Variants in MYH10 observed in about 807,000 individuals in gnomAD.
The protein encoded by MYH10 is myosin heavy chain 10.
A neutral mutation model predicts 257.8 loss-of-function variants in MYH10; 55 were observed. That is an observed-to-expected ratio of 0.21 (90% confidence interval 0.17 to 0.27). The LOEUF is 0.27. MYH10 is among the 10% of genes least tolerant of loss of function. MYH10 has a pLI of 1.00. For missense variants in MYH10, 1,631 were observed against 2,500.6 expected (o/e 0.65, Z 7.42); for synonymous variants, 854 against 921.7 (o/e 0.93, Z 1.33).
At position 8,492,977 on chromosome 17, in the gene MYH10, T is replaced by C. The variant is rs747999414; in HGVS notation, c.4257A>G (p.Glu1419=). Residue 1419 remains glutamate, a synonymous_variant, in exon 33 of 43, where the codon GAA becomes GAG. Transcript: ENST00000360416. The part of the protein sequence containing the change: ...KKVDDDLGTI[E]SLEEAKKKLL... ...GCTTCTTCTTGGCTTCTTCCAGACT[T>C]TCAATTGTTCCCAGGTCGTCATCTA... 1.9e-5 allele frequency: 30 copies of C among 1,614,108 alleles called. No homozygotes were observed. The South Asian group carries it at 3.2e-4, about 17-fold the overall frequency.
chr17:8,555,351 A>G (rs1567893988), intron 7 of MYH10, among the ~76,000 whole-genome samples: 1 of 152,186 alleles, frequency 6.6e-6, no homozygotes, highest in Non-Finnish European at 1.5e-5. Context: ...ATTCTGAGAA[A>G]GAAGACCAGG....
chr17:8,561,379 C>T, intron 7 of MYH10: 1 of 1,124,712 alleles, frequency 8.9e-7, no homozygotes, highest in Non-Finnish European at 1.3e-6. Flanking sequence ...CCGCAGCAGT[C>T]AGGGGCATTC....
intron 32 of MYH10, among the ~76,000 whole-genome samples, chr17:8,493,347 G>GA (rs879871249): frequency 2.0e-3 from 256 of 125,450 alleles, no homozygotes; most frequent in Admixed American, 4.8e-3. Context: ...CTATCTCAAG[G>GA]AAAAAAAAAA....
intron 17 of MYH10, among the ~76,000 whole-genome samples, chr17:8,525,737 G>C (rs1212818390): frequency 1.3e-5 from 2 of 152,044 alleles, no homozygotes; most frequent in Non-Finnish European, 2.9e-5. Flanking sequence ...TTTTAATACG[G>C]ACAATCCAAA....
At chr17:8,570,734 G>A (rs1386192239) in intron 6 of MYH10, among the ~76,000 whole-genome samples, 3 of 152,142 alleles carry the variant, frequency 2.0e-5, no homozygotes, top group African/African-American at 4.8e-5. Flanking sequence ...CAAAAAAGAT[G>A]AATATAAAGA....
At chr17:8,546,297 G>A (rs1283996387) in intron 12 of MYH10, among the ~76,000 whole-genome samples, 1 of 152,004 alleles carries the variant, frequency 6.6e-6, no homozygotes, top group African/African-American at 2.4e-5. Context: ...GACCTCAGGT[G>A]ATCTGCCCAC....
In MYH10 at chr17:8,477,088, G is replaced by C. The variant is rs1447466649; in HGVS notation, c.5707-40C>G. On this transcript the variant is annotated intron_variant, in intron 41 of 42. Coordinates refer to ENST00000360416, the MANE Select transcript of MYH10 (RefSeq NM_001256012.3). The surrounding 1 kb of genome is among the most constrained non-coding windows in gnomAD (Gnocchi z 4.2). ...ATGAACCAAAACAAACCAAACTGGTGAATCCAGTGTCGGCCTCTCTGTACC... is the reference window on the plus strand; with the variant it reads ...ATGAACCAAAACAAACCAAACTGGTCAATCCAGTGTCGGCCTCTCTGTACC... 4.4e-6 allele frequency: 7 copies of C among 1,608,758 alleles called. 1 individual carries two copies. The highest frequency in any genetic ancestry group is 1.3e-5 in the African/African-American group (1 of 74,852).
intron 1 of MYH10, among the ~76,000 whole-genome samples, chr17:8,623,977 C>G (rs1372277048): frequency 6.6e-6 from 1 of 152,154 alleles, no homozygotes; most frequent in African/African-American, 2.4e-5. Context: ...CACCAAGACT[C>G]CTTCCCCTGC....
chr17:8,514,747 TC>T (rs1169908473), intron 21 of MYH10, among the ~76,000 whole-genome samples: 1 of 152,024 alleles, frequency 6.6e-6, no homozygotes, highest in Non-Finnish European at 1.5e-5. Flanking sequence ...AGGCAAACGT[TC>T]CTATTACTGA....
chr17:8,497,327 A>G lies in MYH10; in HGVS notation c.3951+1943T>C, dbSNP rs551584122. On this transcript the variant is annotated intron_variant, in intron 30 of 42. Transcript: ENST00000360416. ...TCTTACCAATAAGGACTCATCGACTATATTGTTTTTGCTGGTTGCATAGAA... is the reference window on the plus strand; with the variant it reads ...TCTTACCAATAAGGACTCATCGACTGTATTGTTTTTGCTGGTTGCATAGAA... Among the ~76,000 whole-genome samples the G allele has an allele frequency of 1.6e-4, 25 of 151,654 alleles. 2 individuals are homozygous for G. The South Asian group carries it at 5.2e-3, about 31-fold the overall frequency.
chr17:8,504,813 G>T lies in MYH10; in HGVS notation c.3480C>A (p.Ser1160=), dbSNP rs2291718. The T allele has an allele frequency of 4.0e-5, 65 of 1,614,000 alleles. No homozygotes were observed. The highest frequency in any genetic ancestry group is 5.0e-5 in the Non-Finnish European group (59 of 1,180,024). ...CGGCCTTGTTCCGTGAAGCCTTCTC[G>T]GATTCAAAGTCTTCCTGAAGTTCAG... ...QIAELQEDFE[S]EKASRNKAEK... is the part of the protein sequence containing the mutation. The change falls in exon 28 of 43, where the codon TCC becomes TCA. Residue 1160 remains serine (S), a synonymous_variant. Coordinates refer to ENST00000360416, the MANE Select transcript of MYH10 (RefSeq NM_001256012.3). This position sits in a 1 kb window ranked among gnomAD's most constrained non-coding sequence, Gnocchi z 5.6.
intron 35 of MYH10, among the ~76,000 whole-genome samples, chr17:8,489,739 A>ACACACACACACACACACACACC (rs1401430644): frequency 2.0e-4 from 30 of 151,370 alleles, no homozygotes; most frequent in African/African-American, 7.3e-4. Context: ...ACACACACAC[A>ACACACACACACACACACACACC]CACACACCCC....
chr17:8,589,351 C>T (rs551633172), intron 3 of MYH10, among the ~76,000 whole-genome samples: 5 of 152,134 alleles, frequency 3.3e-5, no homozygotes, highest in Admixed American at 6.5e-5. Context: ...TTCCACACAT[C>T]GTTTGCCTGG....
At chr17:8,510,959 TTA>T (rs946120759) in intron 24 of MYH10, among the ~76,000 whole-genome samples, 2 of 150,158 alleles carry the variant, frequency 1.3e-5, no homozygotes, top group Admixed American at 1.3e-4. Context: ...TTACCCCATT[TTA>T]TATGAGGTGA....
At chr17:8,525,837 G>A (rs142131809) in intron 17 of MYH10, among the ~76,000 whole-genome samples, 1,884 of 152,252 alleles carry the variant, frequency 0.012, 34 homozygotes, top group African/African-American at 0.043. Flanking sequence ...CTGTCACCCA[G>A]GCTGGAGTGC....
intron 21 of MYH10, among the ~76,000 whole-genome samples, chr17:8,516,297 A>T (rs2081467331): frequency 6.6e-6 from 1 of 152,186 alleles, no homozygotes; most frequent in Admixed American, 6.5e-5. Context: ...GCTCAAGTTC[A>T]TGGATTTCTG....
intron 3 of MYH10, among the ~76,000 whole-genome samples, chr17:8,596,073 C>T (rs1305457515): frequency 1.3e-5 from 2 of 151,406 alleles, no homozygotes; most frequent in Admixed American, 1.3e-4. Flanking sequence ...GTGTATTAGG[C>T]TCTCTTTTAT....
chr17:8,535,305 A>G lies in MYH10; in HGVS notation c.1894+82T>C. Reference sequence around the variant, plus strand: ...AAAGTAAGAAGTTATATGTATCCATATATATGTAAAAGAACCATCTATAAA... The same window carrying G: ...AAAGTAAGAAGTTATATGTATCCATGTATATGTAAAAGAACCATCTATAAA... On this transcript the variant is annotated intron_variant, in intron 16 of 42. Coordinates refer to ENST00000360416, the MANE Select transcript of MYH10 (RefSeq NM_001256012.3). The surrounding 1 kb of genome is among the most constrained non-coding windows in gnomAD (Gnocchi z 4.3). The G allele has an allele frequency of 2.0e-6, 2 of 991,508 alleles. No individual in the cohort carries two copies. Among genetic ancestry groups the G allele is most frequent in the Non-Finnish European group, 3.0e-6 (2 of 663,330 alleles). 61.4% of individuals were successfully genotyped at this position (991,508 alleles called of 1,614,324 possible).
rs545488893 is a variant in MYH10 at position 8,510,397 on chromosome 17, A to G, written c.2953-448T>C. ...ATTTGTATCCGCTACAGGCTAAAGTACAAACTGGGTCAATCCTTCTAGAAG... is the reference window on the plus strand; with the variant it reads ...ATTTGTATCCGCTACAGGCTAAAGTGCAAACTGGGTCAATCCTTCTAGAAG... On this transcript the variant is annotated intron_variant, in intron 24 of 42. Transcript: ENST00000360416. 1.1e-4 allele frequency among the ~76,000 whole-genome samples: 17 copies of G among 152,326 alleles called. No individual in the cohort carries two copies. In the South Asian group the frequency reaches 2.3e-3, roughly 20 times the overall value.
Sources: gnomAD v4.1 joint callset for allele counts (sites outside exome capture counted in the v4.1 genomes callset) on GRCh38, gnomAD v4.1.1 for gene constraint, Gnocchi (gnomAD v3.1) non-coding constraint, MANE v1.5 for transcripts, NCBI Gene and HGNC (gene_info 2026-07-23, HGNC 2026-07-21) for gene names.